The following WDHD1 variants were observed in gnomAD, a reference collection of about 807,000 sequenced individuals.
WDHD1 encodes the protein WD repeat and HMG-box DNA-binding protein 1.
In WDHD1, 111 loss-of-function variants were observed where a neutral mutation model predicts 135.4. The observed-to-expected ratio is 0.82, with a 90% CI of 0.70 to 0.96. The LOEUF is 0.96. Ranked by LOEUF, WDHD1 falls within the 40% of genes least tolerant of loss-of-function variation. The pLI, the probability that WDHD1 is intolerant of heterozygous loss-of-function variation, is 0.00. For synonymous variants in WDHD1, 434 were observed against 439.0 expected (o/e 0.99, Z 0.14); for missense variants, 1,351 against 1,336.3 (o/e 1.01, Z -0.17).
chr14:54,964,456 C>T (rs184266855), intron 18 of WDHD1, among the ~76,000 whole-genome samples: 7 of 152,022 alleles, frequency 4.6e-5, no homozygotes, highest in Admixed American at 3.3e-4. Context: ...CTGGCTAACA[C>T]GGTGAAACAC....
At chr14:54,983,818 CA>C (rs896541368) in intron 15 of WDHD1, among the ~76,000 whole-genome samples, 4 of 143,638 alleles carry the variant, frequency 2.8e-5, no homozygotes, top group African/African-American at 5.2e-5. Flanking sequence ...CATGCCCAGC[CA>C]AAAAAAAAAT....
chr14:54,978,258 T>C (rs1169708215), intron 16 of WDHD1, among the ~76,000 whole-genome samples: 1 of 152,162 alleles, frequency 6.6e-6, no homozygotes, highest in African/African-American at 2.4e-5. Flanking sequence ...AAGAAATCAC[T>C]GAGAACAACC....
intron 7 of WDHD1, among the ~76,000 whole-genome samples, chr14:55,006,168 G>A (rs1248324324): frequency 6.6e-6 from 1 of 152,114 alleles, no homozygotes; most frequent in Non-Finnish European, 1.5e-5. Flanking sequence ...ATAGGCTGTT[G>A]TTTTATATGT....
chr14:55,012,597 CCA>C (rs374603225), intron 3 of WDHD1, among the ~76,000 whole-genome samples: 4 of 152,178 alleles, frequency 2.6e-5, no homozygotes, highest in African/African-American at 9.6e-5. Context: ...TATAAGAATC[CCA>C]CAGACTGGGT....
intron 16 of WDHD1, among the ~76,000 whole-genome samples, chr14:54,968,742 G>A (rs890393957): frequency 1.3e-5 from 2 of 152,112 alleles, no homozygotes; most frequent in Admixed American, 1.3e-4. Flanking sequence ...ACACTTCTAT[G>A]TGCACAAACC....
At chr14:54,948,294 T>G (rs1194665042) in intron 24 of WDHD1, among the ~76,000 whole-genome samples, 1 of 152,134 alleles carries the variant, frequency 6.6e-6, no homozygotes, top group East Asian at 1.9e-4. Flanking sequence ...GAAAATTCCC[T>G]TTCCTAGCCA....
At chr14:54,985,301 C>T (rs1482395606) in intron 14 of WDHD1, among the ~76,000 whole-genome samples, 3 of 152,182 alleles carry the variant, frequency 2.0e-5, no homozygotes, top group Non-Finnish European at 4.4e-5. Flanking sequence ...AGTGACCTCT[C>T]AGAAAGTAAA....
intron 24 of WDHD1, among the ~76,000 whole-genome samples, chr14:54,946,962 G>A (rs1205410130): frequency 1.3e-5 from 2 of 152,106 alleles, no homozygotes; most frequent in Non-Finnish European, 2.9e-5. Flanking sequence ...AGAATTGCTT[G>A]AACCCAGAAG....
At chr14:54,989,267 CAGTA>C (rs2041746520) in intron 12 of WDHD1, 55 bp from the exon 13 acceptor site, 3 of 1,254,138 alleles carry the variant, frequency 2.4e-6, no homozygotes, top group African/African-American at 3.0e-5. Flanking sequence ...CTCCTAGAAT[CAGTA>C]AGCCACAGTA....
chr14:54,972,600 G>A (rs4325453), intron 16 of WDHD1, among the ~76,000 whole-genome samples: 23,893 of 78,178 alleles, frequency 0.31, 6,543 homozygotes, highest in African/African-American at 0.58. Flanking sequence ...ATGCCAATGA[G>A]GCATATTCAC....
chr14:54,957,250 A>C, intron 22 of WDHD1, 46 bp from the exon 23 acceptor site: 1 of 1,543,606 alleles, frequency 6.5e-7, no homozygotes, highest in East Asian at 2.3e-5. Flanking sequence ...AAGAAGAAAA[A>C]TAAAATCCCA....
chr14:55,007,900 T>C (rs1284307228), intron 6 of WDHD1, among the ~76,000 whole-genome samples: 3 of 152,212 alleles, frequency 2.0e-5, no homozygotes, highest in Non-Finnish European at 4.4e-5. Context: ...GAACACCTTA[T>C]TTCGTACCTC....
Position 54,963,000 on chromosome 14 carries a change from AC to A in WDHD1, c.2482del (p.Val828TrpfsTer14). 6.2e-7 allele frequency: 1 copy of A among 1,613,534 alleles called. No homozygotes were observed. The highest frequency in any genetic ancestry group is 8.5e-7 in the Non-Finnish European group (1 of 1,179,838). On this transcript the variant is annotated frameshift_variant, in exon 19 of 26. Coordinates refer to ENST00000360586, the MANE Select transcript of WDHD1 (RefSeq NM_007086.4). LOFTEE classifies it high-confidence loss of function. ...EKAAELTATQVEEEEEEEDFR... is the reference protein window; with the variant it reads ...EKAAELTATQXEEEEEEEDFR... ...ATCTTCTTCTTCTTCTTCCTCTTCCACCTGGGTTGCTGTCAATTCGGCTGCC... is the reference window on the plus strand; with the variant it reads ...ATCTTCTTCTTCTTCTTCCTCTTCCACTGGGTTGCTGTCAATTCGGCTGCC...
intron 21 of WDHD1, among the ~76,000 whole-genome samples, chr14:54,961,823 G>A (rs552559104): frequency 3.9e-4 from 58 of 150,494 alleles, no homozygotes; most frequent in Middle Eastern, 3.5e-3. Context: ...CTCCCTGTAC[G>A]CAACCATTTT....
At chr14:54,995,494 G>T in intron 11 of WDHD1, 109 bp downstream of exon 11, 1 of 832,818 alleles carries the variant, frequency 1.2e-6, no homozygotes, top group Non-Finnish European at 1.7e-6. Context: ...TTTCCTCTAA[G>T]CACCACTTAG....
At chr14:54,982,116 C>A (rs912023789) in intron 15 of WDHD1, among the ~76,000 whole-genome samples, 1 of 151,972 alleles carries the variant, frequency 6.6e-6, no homozygotes, top group Non-Finnish European at 1.5e-5. Context: ...AAGCCATTCT[C>A]CTGCCTCAGC....
Position 55,010,347 on chromosome 14 carries a change from G to C in WDHD1, c.303C>G (p.Val101=). The C allele has an allele frequency of 6.2e-7, 1 of 1,610,370 alleles. No individual in the cohort carries two copies. Among genetic ancestry groups the C allele is most frequent in the Non-Finnish European group, 8.5e-7 (1 of 1,178,880 alleles). Residue 101 remains valine, a synonymous_variant, in exon 4 of 26, where the codon GTC becomes GTG. Transcript: ENST00000360586. ...TRFTTNANHV[V]FNGDGTKIAA... ...CAATTTTAGTACCATCCCCATTAAAGACCACATGGTTTGCATTTGTAGTGA... is the reference window on the plus strand; with the variant it reads ...CAATTTTAGTACCATCCCCATTAAACACCACATGGTTTGCATTTGTAGTGA...
chr14:55,015,379 CAAAAAAAAAA>C lies in WDHD1; in HGVS notation c.78-1793_78-1784del, dbSNP rs60609405. Among the ~76,000 whole-genome samples, 164 of 54,460 alleles carry C rather than the reference CAAAAAAAAAA, an allele frequency of 3.0e-3. 3 individuals are homozygous for C. In the East Asian group the frequency reaches 0.095, roughly 32 times the overall value. 35.7% of individuals were successfully genotyped at this position (54,460 alleles called of 152,430 possible). ...CCTGGGAAACAGCATGACACTGTCT[CAAAAAAAAAA>C]AAAAAAAAAAAAAAAAGGCTAGGGT... is the stretch of plus-strand genomic sequence containing the variant. On this transcript the variant is annotated intron_variant, in intron 2 of 25. Transcript: ENST00000360586.
intron 24 of WDHD1, among the ~76,000 whole-genome samples, chr14:54,953,245 C>T (rs2041092832): frequency 6.6e-6 from 1 of 152,106 alleles, no homozygotes; most frequent in African/African-American, 2.4e-5. Context: ...GGCTAATATC[C>T]AGAATCTACA....
Sources: gnomAD v4.1 joint callset for allele counts (sites outside exome capture counted in the v4.1 genomes callset) on GRCh38, gnomAD v4.1.1 for gene constraint, MANE v1.5 for transcripts, NCBI Gene and HGNC (gene_info 2026-07-23, HGNC 2026-07-21) for gene names.